Variants in GRIP1 observed in about 807,000 individuals in gnomAD.
GRIP1 encodes the protein glutamate receptor-interacting protein 1.
GRIP1 carries 45 observed loss-of-function variants against 129.9 expected under a neutral mutation model. That is an observed-to-expected ratio of 0.35 (90% CI 0.27 to 0.44). GRIP1 has a LOEUF of 0.44. Ranked by LOEUF, GRIP1 falls within the 20% of genes least tolerant of loss-of-function variation. The pLI is 1.00. For synonymous variants in GRIP1, 530 were observed against 520.8 expected (o/e 1.02, Z -0.24); for missense variants, 1,196 against 1,396.8 (o/e 0.86, Z 2.29).
intron 1 of GRIP1, among the ~76,000 whole-genome samples, chr12:66,771,574 G>C (rs974616670): frequency 2.0e-5 from 3 of 152,172 alleles, no homozygotes; most frequent in Non-Finnish European, 4.4e-5. Context: ...GAGACTTGGA[G>C]ATAATTTACT....
At chr12:66,833,779 A>G (rs2039560247) in intron 1 of GRIP1, among the ~76,000 whole-genome samples, 2 of 152,246 alleles carry the variant, frequency 1.3e-5, no homozygotes, top group Admixed American at 1.3e-4. Context: ...ATTAAAAAAG[A>G]AAGTGTAAGA....
intron 1 of GRIP1, among the ~76,000 whole-genome samples, chr12:66,816,287 T>C (rs1207766393): frequency 6.6e-6 from 1 of 152,176 alleles, no homozygotes; most frequent in Non-Finnish European, 1.5e-5. Context: ...TTCTCTGTTG[T>C]TATTAAGACC....
intron 2 of GRIP1, among the ~76,000 whole-genome samples, chr12:66,555,908 G>A (rs2062314274): frequency 7.2e-5 from 11 of 152,048 alleles, no homozygotes; most frequent in Admixed American, 7.2e-4. Flanking sequence ...AATAAGGCAT[G>A]CCTATTAGAC....
Position 66,678,958 on chromosome 12 carries a change from G to T in GRIP1, c.-54C>A, listed in dbSNP as rs1333243519. 2 of 1,612,096 alleles carry T rather than the reference G, an allele frequency of 1.2e-6. No homozygotes were observed. Among genetic ancestry groups the T allele is most frequent in the African/African-American group, 2.7e-5 (2 of 74,846 alleles). ...GTACTCAAGGCTCTCTGCTCTGGTGGCTGCAGCAGCAGCAGCATATGAATT... is the reference window on the plus strand; with the variant it reads ...GTACTCAAGGCTCTCTGCTCTGGTGTCTGCAGCAGCAGCAGCATATGAATT... On this transcript the variant is annotated 5_prime_UTR_variant, in exon 1 of 25. Transcript: ENST00000359742.
chr12:66,389,103 G>C (rs1358661796), intron 19 of GRIP1, among the ~76,000 whole-genome samples: 1 of 152,218 alleles, frequency 6.6e-6, no homozygotes, highest in Non-Finnish European at 1.5e-5. Flanking sequence ...ATGTGCAGGG[G>C]CTTCCTGGAA....
At chr12:66,434,186 C>T (rs183293585) in intron 13 of GRIP1, among the ~76,000 whole-genome samples, 103 of 152,266 alleles carry the variant, frequency 6.8e-4, no homozygotes, top group African/African-American at 2.3e-3. Context: ...TCCCTGGGCC[C>T]GCCTAGCTTT....
intron 7 of GRIP1, among the ~76,000 whole-genome samples, chr12:66,482,720 A>G (rs941337839): frequency 3.3e-5 from 5 of 152,180 alleles, no homozygotes; most frequent in African/African-American, 1.2e-4. Context: ...GCAGGGAGAC[A>G]GGCTGGATAA....
chr12:66,784,045 CTT>C (rs2038241195), intron 1 of GRIP1, among the ~76,000 whole-genome samples: 1 of 152,018 alleles, frequency 6.6e-6, no homozygotes, highest in African/African-American at 2.4e-5. Context: ...TAATTTTAAA[CTT>C]ATATAATTAA....
At chr12:66,519,084 T>C (rs1256779644) in intron 5 of GRIP1, among the ~76,000 whole-genome samples, 1 of 152,268 alleles carries the variant, frequency 6.6e-6, no homozygotes, top group Non-Finnish European at 1.5e-5. Flanking sequence ...CTAGAACAGA[T>C]GGACATTTCC....
chr12:66,597,534 A>G (rs2139765500), intron 1 of GRIP1, among the ~76,000 whole-genome samples: 1 of 152,282 alleles, frequency 6.6e-6, no homozygotes, highest in African/African-American at 2.4e-5. Flanking sequence ...AGAATAGGGA[A>G]GGAACGATGG....
chr12:66,645,073 C>T (rs1460283716), intron 1 of GRIP1, among the ~76,000 whole-genome samples: 1 of 152,180 alleles, frequency 6.6e-6, no homozygotes, highest in African/African-American at 2.4e-5. Flanking sequence ...TTCAGATTCA[C>T]ACCCAGTTTT....
chr12:66,964,091 T>C (rs142096026), intron 1 of GRIP1, among the ~76,000 whole-genome samples: 140 of 152,240 alleles, frequency 9.2e-4, no homozygotes, highest in Admixed American at 2.9e-3. Context: ...AGCGGGACTA[T>C]TGCAACAATC....
intron 16 of GRIP1, among the ~76,000 whole-genome samples, chr12:66,401,364 G>A (rs1457540083): frequency 6.6e-6 from 1 of 151,838 alleles, no homozygotes; most frequent in Non-Finnish European, 1.5e-5. Flanking sequence ...GCTCACCTGA[G>A]GTCAGGAGTT....
chr12:66,834,345 T>C (rs1254107864), intron 1 of GRIP1, among the ~76,000 whole-genome samples: 1 of 152,172 alleles, frequency 6.6e-6, no homozygotes, highest in Non-Finnish European at 1.5e-5. Context: ...CTTTATATTG[T>C]ACTGCGTCTG....
chr12:66,756,644 GAAGAGGCAGTTAAC>G (rs1192396528), intron 1 of GRIP1, among the ~76,000 whole-genome samples: 1 of 152,220 alleles, frequency 6.6e-6, no homozygotes, highest in Non-Finnish European at 1.5e-5. Context: ...GTGGGTGGTA[GAAGAGGCAGTTAAC>G]TAGCATTAAG....
chr12:66,932,747 C>A (rs1414108849), intron 1 of GRIP1, among the ~76,000 whole-genome samples: 1 of 152,112 alleles, frequency 6.6e-6, no homozygotes, highest in African/African-American at 2.4e-5. Flanking sequence ...CGGCTCATTG[C>A]AATCTCTGCC....
intron 1 of GRIP1, among the ~76,000 whole-genome samples, chr12:66,754,565 A>T (rs2037228532): frequency 6.6e-6 from 1 of 152,208 alleles, no homozygotes; most frequent in Non-Finnish European, 1.5e-5. Flanking sequence ...TAGCAAGGGC[A>T]GAGAGCCGTC....
intron 1 of GRIP1, among the ~76,000 whole-genome samples, chr12:67,041,781 A>G (rs897663145): frequency 1.3e-5 from 2 of 151,718 alleles, no homozygotes; most frequent in African/African-American, 4.9e-5. Context: ...AAAAAAAAAA[A>G]CAACCCTGTA....
At chr12:66,816,026 C>T (rs1183357604) in intron 1 of GRIP1, among the ~76,000 whole-genome samples, 3 of 152,038 alleles carry the variant, frequency 2.0e-5, no homozygotes, top group South Asian at 4.2e-4. Context: ...TGACTCAATA[C>T]TGTCATGGCC....
Sources: gnomAD v4.1 joint callset for allele counts (sites outside exome capture counted in the v4.1 genomes callset) on GRCh38, gnomAD v4.1.1 for gene constraint, MANE v1.5 for transcripts, NCBI Gene and HGNC (gene_info 2026-07-23, HGNC 2026-07-21) for gene names.